Variants in PLPP3 observed in about 807,000 individuals in gnomAD.
PLPP3 encodes the protein phospholipid phosphatase 3.
In PLPP3, 6 loss-of-function variants were observed where a neutral mutation model predicts 29.6. The ratio of observed to expected loss-of-function variants is 0.20; its 90% CI spans 0.11 to 0.40. PLPP3 has a LOEUF of 0.40. Ranked by LOEUF, PLPP3 falls within the 10% of genes least tolerant of loss-of-function variation. The probability of loss-of-function intolerance (pLI) is 1.00; values close to 1 mark genes in which losing one functional copy is unlikely to be tolerated. For synonymous variants in PLPP3, 152 were observed against 159.7 expected, an observed-to-expected ratio of 0.95 and a Z score of 0.36; for missense variants, 308 against 407.7, an observed-to-expected ratio of 0.76 and a Z score of 2.11.
chr1:56,571,770 G>A (rs1311510958), intron 1 of PLPP3, among the ~76,000 whole-genome samples: 1 of 152,076 alleles, frequency 6.6e-6, no homozygotes, highest in Non-Finnish European at 1.5e-5. Context: ...TGCATTAATT[G>A]CAATCAATTA....
chr1:56,550,960 G>A (rs7551402), intron 1 of PLPP3, among the ~76,000 whole-genome samples: 42,638 of 151,950 alleles, frequency 0.28, 6,048 homozygotes, highest in Admixed American at 0.33. Context: ...CAAGGCCCCC[G>A]GAATTGTTCA....
In PLPP3 at chr1:56,496,699, G is replaced by A. The variant is rs540908299; in HGVS notation, c.811-23C>T. ...AACCTAGAAGCACAAATCAGAGATC[G>A]AAGTCAGTAACTGACATCGGGGGTC... On this transcript the variant is annotated intron_variant, in intron 5 of 5. Coordinates refer to ENST00000371250, the MANE Select transcript of PLPP3 (RefSeq NM_003713.5). The A allele has an allele frequency of 3.8e-5, 62 of 1,612,146 alleles. No individual in the cohort carries two copies. In the African/African-American group the frequency reaches 6.7e-4, roughly 17 times the overall value.
At chr1:56,550,863 C>T (rs996750579) in intron 1 of PLPP3, among the ~76,000 whole-genome samples, 2 of 152,228 alleles carry the variant, frequency 1.3e-5, no homozygotes, top group African/African-American at 2.4e-5. Context: ...TCAGCTTCCA[C>T]GACAGCTCCC....
At chr1:56,511,954 T>C (rs2100232638) in intron 5 of PLPP3, 22 bp downstream of exon 5, 1 of 1,612,592 alleles carries the variant, frequency 6.2e-7, no homozygotes, top group Non-Finnish European at 8.5e-7. Flanking sequence ...CACTTGCATA[T>C]TGAGGACAAG....
At chr1:56,573,300 G>C (rs1010672438) in intron 1 of PLPP3, among the ~76,000 whole-genome samples, 1 of 152,110 alleles carries the variant, frequency 6.6e-6, no homozygotes, top group Non-Finnish European at 1.5e-5. Context: ...ACACCTTCAG[G>C]TCTGCATCCA....
intron 1 of PLPP3, among the ~76,000 whole-genome samples, chr1:56,572,111 G>A (rs1203960872): frequency 2.0e-5 from 3 of 146,708 alleles, no homozygotes; most frequent in African/African-American, 2.6e-5. Flanking sequence ...GTGCAGTGGC[G>A]TGATCTTGGC....
chr1:56,544,048 C>T (rs1645988680), intron 1 of PLPP3, among the ~76,000 whole-genome samples: 1 of 152,192 alleles, frequency 6.6e-6, no homozygotes, highest in Admixed American at 6.5e-5. Flanking sequence ...ATTTTGAGTT[C>T]CCTGCCTTCT....
At chr1:56,532,829 G>A (rs935422562) in intron 2 of PLPP3, among the ~76,000 whole-genome samples, 1 of 152,028 alleles carries the variant, frequency 6.6e-6, no homozygotes, top group Non-Finnish European at 1.5e-5. Flanking sequence ...TCTCCCCTGT[G>A]CAGCTAACAG....
intron 4 of PLPP3, among the ~76,000 whole-genome samples, chr1:56,518,416 C>G (rs964572717): frequency 6.2e-5 from 9 of 144,294 alleles, no homozygotes; most frequent in African/African-American, 1.2e-4. Flanking sequence ...TGGGACAGCA[C>G]AGTAAAGGGT....
At chr1:56,497,612 C>A (rs1041474488) in intron 5 of PLPP3, among the ~76,000 whole-genome samples, 1 of 152,172 alleles carries the variant, frequency 6.6e-6, no homozygotes, top group Non-Finnish European at 1.5e-5. Context: ...AAAACACTAT[C>A]AAAGTTTCTA....
chr1:56,551,442 A>G (rs1646038517), intron 1 of PLPP3, among the ~76,000 whole-genome samples: 1 of 152,200 alleles, frequency 6.6e-6, no homozygotes, highest in South Asian at 2.1e-4. Context: ...CATCTTCAAG[A>G]CAGGTCCTGC....
intron 5 of PLPP3, among the ~76,000 whole-genome samples, chr1:56,498,442 C>A (rs1645643314): frequency 7.6e-6 from 1 of 131,328 alleles, no homozygotes; most frequent in Admixed American, 8.8e-5. Context: ...CCGCCCCAGG[C>A]CCAGCCCCAG....
intron 5 of PLPP3, 42 bp from the exon 6 acceptor site, chr1:56,496,718 G>T: frequency 6.2e-7 from 1 of 1,608,260 alleles, no homozygotes; most frequent in Non-Finnish European, 8.5e-7. Flanking sequence ...AACTGACATC[G>T]GGGGTCTGGG....
intron 5 of PLPP3, among the ~76,000 whole-genome samples, chr1:56,504,314 T>C: frequency 6.6e-6 from 1 of 151,840 alleles, no homozygotes; most frequent in Non-Finnish European, 1.5e-5. Context: ...TTAAAGAAAG[T>C]TGTGGGCAAT....
At position 56,495,986 on chromosome 1, in the gene PLPP3, G is replaced by C. The variant is rs1254279820; in HGVS notation, c.*565C>G. 1 of 153,082 alleles carries C rather than the reference G, an allele frequency of 6.5e-6. No homozygotes were observed. Among genetic ancestry groups the C allele is most frequent in the African/African-American group, 2.4e-5 (1 of 41,464 alleles). 9.5% of individuals were successfully genotyped at this position (153,082 alleles called of 1,614,324 possible). ...GCCTATGGGCAGGGGAGGTGATAAGGCCTTAGAACTGGGAATCTAGATTCG... is the reference window on the plus strand; with the variant it reads ...GCCTATGGGCAGGGGAGGTGATAAGCCCTTAGAACTGGGAATCTAGATTCG... On this transcript the variant is annotated 3_prime_UTR_variant, in exon 6 of 6. Coordinates refer to ENST00000371250, the MANE Select transcript of PLPP3 (RefSeq NM_003713.5).
In PLPP3 at chr1:56,524,806, ATG is replaced by A. The variant is rs3835682; in HGVS notation, c.298-254_298-253del. On this transcript the variant is annotated intron_variant, in intron 2 of 5. Transcript: ENST00000371250. This position sits in a 1 kb window ranked among gnomAD's most constrained non-coding sequence, Gnocchi z 4.3. ...AATATATTTATATGTATATATGTGT[ATG>A]TGTGTGTGTGTGTGTGTGTGTGTGT... Among the ~76,000 whole-genome samples the A allele has an allele frequency of 0.31, 45,972 of 147,914 alleles. 7,227 individuals are homozygous for A. Among genetic ancestry groups the A allele is most frequent in the African/African-American group, 0.41 (16,392 of 40,214 alleles).
intron 4 of PLPP3, 28 bp from the exon 5 acceptor site, chr1:56,512,180 A>T (rs770781259): frequency 1.3e-6 from 2 of 1,536,554 alleles, no homozygotes; most frequent in African/African-American, 2.8e-5. Flanking sequence ...AAAGGAACAG[A>T]CATTAAGTGA....
At chr1:56,548,099 C>CGG (rs1646017210) in intron 1 of PLPP3, among the ~76,000 whole-genome samples, 1 of 152,162 alleles carries the variant, frequency 6.6e-6, no homozygotes, top group Non-Finnish European at 1.5e-5. Flanking sequence ...TGGACAGGGC[C>CGG]GTGTCAGCTC....
chr1:56,523,724 A>G (rs1645834278), intron 4 of PLPP3, 99 bp downstream of exon 4: 13 of 1,320,144 alleles, frequency 9.8e-6, no homozygotes, highest in Non-Finnish European at 1.3e-5. Flanking sequence ...CAAGGATTTC[A>G]CAGTGATGGC....
Sources: allele counts gnomAD v4.1 joint callset (sites outside exome capture counted in the v4.1 genomes callset), GRCh38; gene constraint gnomAD v4.1.1; non-coding constraint Gnocchi (gnomAD v3.1); transcripts MANE v1.5; gene names NCBI Gene and HGNC (gene_info 2026-07-23, HGNC 2026-07-21).